Variants in AFAP1 observed in about 807,000 individuals in gnomAD.
AFAP1 encodes the protein actin filament-associated protein 1.
A neutral mutation model predicts 93.9 loss-of-function variants in AFAP1; 75 were observed. That is an observed-to-expected ratio of 0.80 (90% CI 0.66 to 0.97). AFAP1 has a LOEUF of 0.97. Among genes scored for constraint, AFAP1 ranks in the 50% least tolerant of loss-of-function variants. AFAP1 has a pLI of 0.00. For missense variants in AFAP1, 1,201 were observed against 1,050.8 expected, an observed-to-expected ratio of 1.14 and a Z score of -1.98; for synonymous variants, 517 against 430.7, an observed-to-expected ratio of 1.20 and a Z score of -2.48.
At chr4:7,859,613 T>G (rs189236691) in intron 3 of AFAP1, among the ~76,000 whole-genome samples, 1 of 152,264 alleles carries the variant, frequency 6.6e-6, no homozygotes, top group Non-Finnish European at 1.5e-5. Context: ...TCCCTCAAAT[T>G]AATACTTAAG....
At chr4:7,899,292 C>T (rs1470219294) in intron 1 of AFAP1, among the ~76,000 whole-genome samples, 1 of 152,112 alleles carries the variant, frequency 6.6e-6, no homozygotes, top group Non-Finnish European at 1.5e-5. Flanking sequence ...CCAGGACCCC[C>T]GTTTCATAAG....
chr4:7,828,194 G>A (rs1042869069), intron 6 of AFAP1, among the ~76,000 whole-genome samples: 4 of 152,148 alleles, frequency 2.6e-5, no homozygotes, highest in African/African-American at 9.7e-5. Context: ...GCCACTCTGT[G>A]TTCACCTAGG....
At chr4:7,786,463 AGAT>A (rs777043324) in intron 11 of AFAP1, 152 bp from the exon 12 acceptor site, 52 of 683,862 alleles carry the variant, frequency 7.6e-5, no homozygotes, top group Non-Finnish European at 1.0e-4. Context: ...GGCAGAAATG[AGAT>A]GATGCGCTGG....
intron 11 of AFAP1, among the ~76,000 whole-genome samples, chr4:7,790,502 G>A (rs940511832): frequency 2.0e-5 from 3 of 152,110 alleles, no homozygotes; most frequent in Non-Finnish European, 2.9e-5. Context: ...TGTGGTTATC[G>A]GCGTGCTGAT....
intron 3 of AFAP1, among the ~76,000 whole-genome samples, chr4:7,858,924 A>G (rs1715372906): frequency 6.6e-6 from 1 of 152,228 alleles, no homozygotes; most frequent in South Asian, 2.1e-4. Flanking sequence ...ATGTCCTCCC[A>G]AAGGATAAAG....
chr4:7,785,817 G>A (rs545333128), intron 12 of AFAP1, among the ~76,000 whole-genome samples: 186 of 151,910 alleles, frequency 1.2e-3, no homozygotes, highest in Non-Finnish European at 2.1e-3. Flanking sequence ...GTGCACCTAC[G>A]GTCCCAGCTA....
intron 17 of AFAP1, among the ~76,000 whole-genome samples, chr4:7,765,856 TG>T (rs1463633122): frequency 6.6e-6 from 1 of 152,086 alleles, no homozygotes; most frequent in Non-Finnish European, 1.5e-5. Flanking sequence ...AAAGAGCAAT[TG>T]GGAAGATCAA....
intron 1 of AFAP1, among the ~76,000 whole-genome samples, chr4:7,913,302 A>T (rs1663645717): frequency 6.7e-6 from 1 of 149,152 alleles, no homozygotes; most frequent in Non-Finnish European, 1.5e-5. Context: ...AGGTGGGAGG[A>T]TCTCTTGAGC....
At chr4:7,815,980 T>C in intron 8 of AFAP1, 38 bp downstream of exon 8, 1 of 1,546,358 alleles carries the variant, frequency 6.5e-7, no homozygotes, top group Non-Finnish European at 8.7e-7. Context: ...TGTTTTTTTT[T>C]TTAGTGTATA....
intron 1 of AFAP1, among the ~76,000 whole-genome samples, chr4:7,898,664 A>G (rs1453949158): frequency 2.0e-5 from 3 of 151,532 alleles, no homozygotes; most frequent in Non-Finnish European, 4.4e-5. Context: ...GAAGAAAAAA[A>G]AAAAAAAAAC....
At chr4:7,908,759 G>C (rs2149223813) in intron 1 of AFAP1, among the ~76,000 whole-genome samples, 1 of 152,328 alleles carries the variant, frequency 6.6e-6, no homozygotes, top group South Asian at 2.1e-4. Context: ...GGCTGCCATA[G>C]GAAGCACCTG....
At chr4:7,827,719 C>A (rs148998278) in intron 6 of AFAP1, among the ~76,000 whole-genome samples, 2 of 151,734 alleles carry the variant, frequency 1.3e-5, no homozygotes, top group Non-Finnish European at 2.9e-5. Flanking sequence ...CCCACACCAC[C>A]GCACTGAGAC....
intron 1 of AFAP1, among the ~76,000 whole-genome samples, chr4:7,928,677 C>T (rs1032084294): frequency 2.6e-5 from 4 of 152,234 alleles, no homozygotes; most frequent in Non-Finnish European, 4.4e-5. Context: ...TGAGCCACCA[C>T]GCCTGGCCTA....
intron 13 of AFAP1, among the ~76,000 whole-genome samples, chr4:7,779,422 C>T (rs1716510014): frequency 6.6e-6 from 1 of 152,230 alleles, no homozygotes; most frequent in Non-Finnish European, 1.5e-5. Flanking sequence ...ACTATGGAAA[C>T]TGAACTTCCA....
At chr4:7,885,445 G>A (rs1223149258) in intron 1 of AFAP1, among the ~76,000 whole-genome samples, 1 of 152,144 alleles carries the variant, frequency 6.6e-6, no homozygotes, top group Non-Finnish European at 1.5e-5. Flanking sequence ...AGACTCAGCT[G>A]CGTCTCCCCC....
At chr4:7,796,406 G>A (rs1410218395) in intron 10 of AFAP1, among the ~76,000 whole-genome samples, 2 of 152,162 alleles carry the variant, frequency 1.3e-5, no homozygotes, top group Admixed American at 1.3e-4. Flanking sequence ...ATCTGTGATA[G>A]TTTGACCAAA....
rs928123534 is a variant in AFAP1, at chr4:7,881,970, T to C, written c.-2-9890A>G. On this transcript the variant is annotated intron_variant, in intron 1 of 17. Transcript: ENST00000420658. ...TGAGGATTAAATGAGCTAACACACATGCACAGCCAAGCATTTCATCAGTGG... is the reference window on the plus strand; with the variant it reads ...TGAGGATTAAATGAGCTAACACACACGCACAGCCAAGCATTTCATCAGTGG... 3.9e-5 allele frequency among the ~76,000 whole-genome samples: 6 copies of C among 152,188 alleles called. No individual in the cohort carries two copies. In the South Asian group the frequency reaches 6.2e-4, roughly 16 times the overall value.
chr4:7,869,178 GAGAAA>G (rs915623941), intron 2 of AFAP1, among the ~76,000 whole-genome samples: 15 of 150,640 alleles, frequency 1.0e-4, no homozygotes, highest in African/African-American at 1.5e-4. Flanking sequence ...GAAAAGAAAA[GAGAAA>G]AGAAAAGAGG....
intron 3 of AFAP1, among the ~76,000 whole-genome samples, chr4:7,857,374 G>A (rs1445839925): frequency 1.3e-5 from 2 of 152,194 alleles, no homozygotes; most frequent in Non-Finnish European, 2.9e-5. Flanking sequence ...CTCACCAGAT[G>A]AAGAAGAGAA....
Sources: allele counts gnomAD v4.1 joint callset (sites outside exome capture counted in the v4.1 genomes callset), GRCh38; gene constraint gnomAD v4.1.1; transcripts MANE v1.5; gene names NCBI Gene and HGNC (gene_info 2026-07-23, HGNC 2026-07-21).